GOLGB1: variants seen among roughly 807,000 people sequenced by gnomAD.
GOLGB1 encodes golgin subfamily B member 1.
Under a neutral mutation model 336.9 loss-of-function variants are expected in GOLGB1, and 174 were observed. The ratio of observed to expected loss-of-function variants is 0.52; its 90% CI spans 0.46 to 0.59. The LOEUF is 0.59. Ranked by LOEUF, GOLGB1 falls within the 20% of genes least tolerant of loss-of-function variation. The pLI is 0.00. For synonymous variants in GOLGB1, 1,208 were observed against 1,289.2 expected, an observed-to-expected ratio of 0.94 and a Z score of 1.35; for missense variants, 3,331 against 3,645.3, an observed-to-expected ratio of 0.91 and a Z score of 2.22.
chr3:121,664,738 A>T (rs1576233840), intron 21 of GOLGB1, 124 bp from the exon 22 acceptor site: 3 of 981,700 alleles, frequency 3.1e-6, no homozygotes, highest in Admixed American at 2.1e-5. Context: ...TTCTGAGAGG[A>T]AAGTTGCCTC....
Position 121,694,919 on chromosome 3 carries a change from G to C in GOLGB1, c.5604C>G (p.Ser1868Arg). 1 of 1,613,850 alleles carries C rather than the reference G, an allele frequency of 6.2e-7. No homozygotes were observed. Among genetic ancestry groups the C allele is most frequent in the Non-Finnish European group, 8.5e-7 (1 of 1,179,820 alleles). The change falls in exon 13 of 22, where the codon AGC becomes AGG. Residue 1868 changes from serine to arginine, a missense_variant. Transcript: ENST00000614479. The part of the protein sequence containing the change: ...EEEKQKNKEF[S>R]QTLENEKNTL... Reference sequence around the variant, plus strand: ...TATTTTTCTCATTTTCTAAAGTCTGGCTAAATTCCTTGTTTTTCTGCTTCT... The same window carrying C: ...TATTTTTCTCATTTTCTAAAGTCTGCCTAAATTCCTTGTTTTTCTGCTTCT...
Position 121,676,611 on chromosome 3 carries a change from A to G in GOLGB1, c.9177+282T>C, listed in dbSNP as rs566159165. On this transcript the variant is annotated intron_variant, in intron 17 of 21. Transcript: ENST00000614479. ...AGGGAGTAGCCTCAGCATTACTACA[A>G]GTGATACAGGTCAGGGGGAAGGCTT... Among the ~76,000 whole-genome samples the G allele has an allele frequency of 2.2e-4, 34 of 152,320 alleles. No individual in the cohort carries two copies. In the South Asian group the frequency reaches 2.3e-3, roughly 10 times the overall value.
intron 1 of GOLGB1, chr3:121,749,006 C>T: frequency 1.5e-6 from 1 of 682,254 alleles, no homozygotes; most frequent in South Asian, 6.6e-5. Context: ...AACAGCCTGC[C>T]CACCTCTGAT....
chr3:121,684,410 A>C (rs1941505687), intron 14 of GOLGB1, among the ~76,000 whole-genome samples: 1 of 152,044 alleles, frequency 6.6e-6, no homozygotes, highest in Admixed American at 6.5e-5. Flanking sequence ...AATTTAATGA[A>C]ATTTCCAAAA....
intron 10 of GOLGB1, among the ~76,000 whole-genome samples, chr3:121,711,985 G>A (rs1376757955): frequency 6.6e-6 from 1 of 152,098 alleles, no homozygotes; most frequent in African/African-American, 2.4e-5. Flanking sequence ...AATTTATGTG[G>A]AAAGGACCTG....
At chr3:121,740,374 T>C (rs148248477) in intron 1 of GOLGB1, among the ~76,000 whole-genome samples, 2 of 152,320 alleles carry the variant, frequency 1.3e-5, no homozygotes, top group African/African-American at 2.4e-5. Context: ...TCTACAATTG[T>C]CTTCATATTT....
chr3:121,686,532 A>T (rs1941746641), intron 14 of GOLGB1, among the ~76,000 whole-genome samples: 1 of 152,168 alleles, frequency 6.6e-6, no homozygotes, highest in Non-Finnish European at 1.5e-5. Context: ...AAATACAGGC[A>T]CCCCTAGAGA....
chr3:121,731,136 G>A (rs1946083996), intron 1 of GOLGB1, among the ~76,000 whole-genome samples, 163 bp from the exon 2 acceptor site: 1 of 152,160 alleles, frequency 6.6e-6, no homozygotes, highest in Admixed American at 6.5e-5. Context: ...AAAGGCATTT[G>A]AGTACTTCCA....
At chr3:121,673,949 G>A (rs1038814610) in intron 17 of GOLGB1, among the ~76,000 whole-genome samples, 2 of 152,118 alleles carry the variant, frequency 1.3e-5, no homozygotes, top group African/African-American at 4.8e-5. Context: ...TCAAACTCCT[G>A]GCCTCAAGTG....
rs1942728345 is a variant in GOLGB1 at position 121,694,187 on chromosome 3, T to C, written c.6336A>G (p.Ser2112=). 5.6e-6 allele frequency: 9 copies of C among 1,613,252 alleles called. No individual in the cohort carries two copies. Among genetic ancestry groups the C allele is most frequent in the Non-Finnish European group, 7.6e-6 (9 of 1,179,992 alleles). Residue 2112 remains serine, a synonymous_variant, in exon 13 of 22, where the codon TCA becomes TCG. Transcript: ENST00000614479. ...TCTGGCTTTTAACTGATTCTTTATTTGACTGAAGTTCCTTTTTCAACTTGA... is the reference window on the plus strand; with the variant it reads ...TCTGGCTTTTAACTGATTCTTTATTCGACTGAAGTTCCTTTTTCAACTTGA... The part of the protein sequence containing the change: ...DNLKLKKELQ[S]NKESVKSQMK...
At chr3:121,743,414 T>C (rs917050378) in intron 1 of GOLGB1, among the ~76,000 whole-genome samples, 2 of 152,094 alleles carry the variant, frequency 1.3e-5, no homozygotes, top group Non-Finnish European at 2.9e-5. Context: ...AATTGAACAA[T>C]GAGAACACTT....
chr3:121,740,200 C>T (rs1366769546), intron 1 of GOLGB1, among the ~76,000 whole-genome samples: 1 of 152,088 alleles, frequency 6.6e-6, no homozygotes, highest in Non-Finnish European at 1.5e-5. Context: ...CTTAATGATA[C>T]ACATACATAC....
At position 121,692,456 on chromosome 3, in the gene GOLGB1, T is replaced by C. The variant is rs1560217177; in HGVS notation, c.6908A>G (p.His2303Arg). Residue 2303 changes from histidine (H) to arginine (R), a missense_variant, in exon 14 of 22, where the codon CAC becomes CGC. Physicochemically the swap from His to Arg is conservative, Grantham distance 29 (BLOSUM62 0). Transcript: ENST00000614479. ...ELLSQLEETR[H>R]LYHSSQNELA... ...TTCATTCTGAGAACTGTGGTATAGG[T>C]GGCGTGTCTCTTCTAGCTGGGACAA... 1 of 1,614,020 alleles carries C rather than the reference T, an allele frequency of 6.2e-7. No individual in the cohort carries two copies. Among genetic ancestry groups the C allele is most frequent in the East Asian group, 2.2e-5 (1 of 44,872 alleles).
In GOLGB1 at chr3:121,694,028, T is replaced by G. The variant is rs749401537; in HGVS notation, c.6495A>C (p.Gly2165=). Residue 2165 remains glycine (G), a synonymous_variant, in exon 13 of 22, where the codon GGA becomes GGC. Coordinates refer to ENST00000614479, the MANE Select transcript of GOLGB1 (RefSeq NM_001366282.2). ...REKVHLEETI[G]EIQVTLNKKD... ...TCTTGTTCAAAGTAACCTGAATCTC[T>G]CCAATTGTCTCTTCCAAGTGGACTT... The G allele has an allele frequency of 2.5e-6, 4 of 1,614,056 alleles. No homozygotes were observed. The highest frequency in any genetic ancestry group is 1.7e-5 in the Admixed American group (1 of 60,028).
At chr3:121,746,151 C>T (rs1201662868) in intron 1 of GOLGB1, among the ~76,000 whole-genome samples, 1 of 152,174 alleles carries the variant, frequency 6.6e-6, no homozygotes, top group African/African-American at 2.4e-5. Flanking sequence ...GGTGACTCCT[C>T]AAACTTATTT....
chr3:121,693,674 A>C (rs1942674043), intron 13 of GOLGB1, 67 bp downstream of exon 13: 1 of 1,144,128 alleles, frequency 8.7e-7, no homozygotes, highest in Admixed American at 2.2e-5. Flanking sequence ...AAGGAAACAG[A>C]AATAGTTTAG....
At chr3:121,725,113 A>G (rs1315894800) in intron 5 of GOLGB1, among the ~76,000 whole-genome samples, 1 of 152,056 alleles carries the variant, frequency 6.6e-6, no homozygotes, top group African/African-American at 2.4e-5. Context: ...GCCCCACTAG[A>G]GCAATGCCAA....
intron 10 of GOLGB1, among the ~76,000 whole-genome samples, chr3:121,704,306 C>A (rs564349672): frequency 2.0e-4 from 30 of 151,982 alleles, no homozygotes; most frequent in African/African-American, 7.0e-4. Context: ...CAAAAGCAAG[C>A]AAGAAAATGA....
rs575378651 is a variant in GOLGB1, at chr3:121,742,098, C to A, written c.-3+7534G>T. On this transcript the variant is annotated intron_variant, in intron 1 of 21. Transcript: ENST00000614479. The stretch of plus-strand genomic sequence containing the variant: ...ATCAAGCTACCAATGACTTTCTTCA[C>A]AAAATTGGAAAAAACTACTTTAAAG... Among the ~76,000 whole-genome samples, 138 of 152,158 alleles carry A rather than the reference C, an allele frequency of 9.1e-4. 1 individual carries two copies. Among genetic ancestry groups the A allele is most frequent in the South Asian group, 5.4e-3 (26 of 4,822 alleles).
Sources: gnomAD v4.1 joint callset for allele counts (sites outside exome capture counted in the v4.1 genomes callset) on GRCh38, gnomAD v4.1.1 for gene constraint, MANE v1.5 for transcripts, NCBI Gene and HGNC (gene_info 2026-07-23, HGNC 2026-07-21) for gene names.